Variants in NAV3 observed in about 807,000 individuals in gnomAD.
The protein encoded by NAV3 is pore membrane and/or filament interacting like protein 1.
In NAV3, 87 loss-of-function variants were observed where a neutral mutation model predicts 244.7. The observed-to-expected ratio is 0.36, with a 90% confidence interval of 0.30 to 0.42. The LOEUF (loss-of-function observed/expected upper bound fraction) is 0.42, where lower values mean the gene tolerates loss of function less well. NAV3 is among the 20% of genes least tolerant of loss of function. The pLI, the probability that NAV3 is intolerant of heterozygous loss-of-function variation, is 1.00. For missense variants in NAV3, 2,663 were observed against 2,893.3 expected (o/e 0.92, Z 1.83); for synonymous variants, 1,126 against 1,042.2 (o/e 1.08, Z -1.55).
At chr12:77,891,075 T>C (rs1022509378) in intron 1 of NAV3, among the ~76,000 whole-genome samples, 8 of 152,022 alleles carry the variant, frequency 5.3e-5, no homozygotes, top group Non-Finnish European at 8.8e-5. Flanking sequence ...TTAGCATTCA[T>C]GATGAAATAT....
intron 2 of NAV3, among the ~76,000 whole-genome samples, chr12:77,714,023 T>A (rs1876244272): frequency 6.6e-6 from 1 of 152,094 alleles, no homozygotes; most frequent in Non-Finnish European, 1.5e-5. Context: ...AAAATATACA[T>A]TTTTTTGCAG....
intron 12 of NAV3, among the ~76,000 whole-genome samples, chr12:78,075,603 A>T (rs752352618): frequency 6.6e-6 from 1 of 152,186 alleles, no homozygotes; most frequent in Non-Finnish European, 1.5e-5. Context: ...CAGGAATTCT[A>T]AAGGGTTTTT....
At chr12:77,771,164 T>G (rs1038872227) in intron 2 of NAV3, among the ~76,000 whole-genome samples, 7 of 152,054 alleles carry the variant, frequency 4.6e-5, no homozygotes, top group Non-Finnish European at 8.8e-5. Context: ...CATGAAAAAA[T>G]GCTCATCATC....
intron 2 of NAV3, among the ~76,000 whole-genome samples, chr12:77,626,190 A>T (rs1265240038): frequency 1.3e-5 from 2 of 152,080 alleles, no homozygotes; most frequent in Non-Finnish European, 2.9e-5. Flanking sequence ...GATGAGATTA[A>T]GTAGAAGAGA....
chr12:78,024,905 G>A lies in NAV3; in HGVS notation c.2023+3043G>A, dbSNP rs1011840318. 3.3e-5 allele frequency among the ~76,000 whole-genome samples: 5 copies of A among 151,796 alleles called. No homozygotes were observed. The South Asian group carries it at 6.3e-4, about 19-fold the overall frequency. ...CAGGAGAATGGCATGAACCTGGGAG[G>A]CAGAGCTTGCAGTGAGCCGAGATAG... On this transcript the variant is annotated intron_variant, in intron 9 of 39. Transcript: ENST00000397909.
In NAV3 at chr12:78,188,307, G is replaced by T. The variant is rs1039240925; in HGVS notation, c.5850G>T (p.Trp1950Cys). ...TTGGTGTTAGTGGAAAAACCAAGTG[G>T]GATGTCTTAGATGGTGTAATAAGAC... ...GSIGVSGKTKWDVLDGVIRRL... is the reference protein window; with the variant it reads ...GSIGVSGKTKCDVLDGVIRRL... Residue 1950 changes from tryptophan to cysteine, a missense_variant, in exon 32 of 40, where the codon TGG becomes TGT. Transcript: ENST00000397909. 1 of 1,611,284 alleles carries T rather than the reference G, an allele frequency of 6.2e-7. No homozygotes were observed. The highest frequency in any genetic ancestry group is 8.5e-7 in the Non-Finnish European group (1 of 1,178,242).
At chr12:78,172,404 A>G (rs1958040312) in intron 24 of NAV3, among the ~76,000 whole-genome samples, 1 of 151,682 alleles carries the variant, frequency 6.6e-6, no homozygotes, top group Non-Finnish European at 1.5e-5. Flanking sequence ...GGAATTTATA[A>G]TGGTAAACAA....
chr12:78,192,561 A>C (rs1179839920), intron 34 of NAV3, among the ~76,000 whole-genome samples: 1 of 151,572 alleles, frequency 6.6e-6, no homozygotes, highest in Admixed American at 6.6e-5. Flanking sequence ...GCCCACCACC[A>C]CACCCAGCTA....
At chr12:78,013,896 T>C (rs974738101) in intron 8 of NAV3, among the ~76,000 whole-genome samples, 1 of 152,040 alleles carries the variant, frequency 6.6e-6, no homozygotes, top group African/African-American at 2.4e-5. Flanking sequence ...ACTCCTTTTT[T>C]TATTGTTCCT....
At chr12:77,585,904 T>C (rs1869584888) in intron 2 of NAV3, among the ~76,000 whole-genome samples, 1 of 152,244 alleles carries the variant, frequency 6.6e-6, no homozygotes, top group Non-Finnish European at 1.5e-5. Flanking sequence ...GGCACATGCC[T>C]GTAATCCCAG....
At chr12:77,834,696 T>G (rs934254541) in intron 1 of NAV3, among the ~76,000 whole-genome samples, 2 of 152,204 alleles carry the variant, frequency 1.3e-5, no homozygotes, top group Admixed American at 6.5e-5. Context: ...GCAAACATAT[T>G]AATCAAACAT....
intron 2 of NAV3, among the ~76,000 whole-genome samples, chr12:77,646,458 GTTC>G (rs139645985): frequency 0.014 from 2,146 of 152,198 alleles, 59 homozygotes; most frequent in African/African-American, 0.049. Context: ...TGAAGAAGGC[GTTC>G]TTCTCTCTCT....
Position 77,809,936 on chromosome 12 carries a change from G to A in NAV3, c.73-130383G>A, listed in dbSNP as rs185678590. Among the ~76,000 whole-genome samples, 488 of 152,148 alleles carry A rather than the reference G, an allele frequency of 3.2e-3. 1 individual carries two copies. Among genetic ancestry groups the A allele is most frequent in the Non-Finnish European group, 5.4e-3 (366 of 67,974 alleles). ...TTGGGTTCGTAGTTGTTCCAGTACA[G>A]AAAAAAATTGAATTGTAAAATATTT... On this transcript the variant is annotated intron_variant, in intron 2 of 8. Coordinates refer to the NAV3 transcript ENST00000550042.
At chr12:77,680,531 A>G (rs1347970120) in intron 2 of NAV3, among the ~76,000 whole-genome samples, 10 of 152,296 alleles carry the variant, frequency 6.6e-5, no homozygotes, top group Middle Eastern at 6.8e-3. Context: ...AGACTTATTC[A>G]GCTTTCACAC....
chr12:77,604,293 C>A (rs1346686780), intron 2 of NAV3, among the ~76,000 whole-genome samples: 2 of 151,662 alleles, frequency 1.3e-5, no homozygotes, highest in African/African-American at 4.8e-5. Context: ...GTGAGTGTAG[C>A]AGAAAGACAA....
intron 2 of NAV3, among the ~76,000 whole-genome samples, chr12:77,771,372 T>C (rs1251678907): frequency 1.1e-4 from 16 of 152,336 alleles, no homozygotes; most frequent in Admixed American, 5.9e-4. Context: ...CTCAGGGATC[T>C]AGAACTGGAA....
intron 2 of NAV3, among the ~76,000 whole-genome samples, chr12:77,774,770 C>T (rs975080112): frequency 1.3e-5 from 2 of 151,918 alleles, no homozygotes; most frequent in Non-Finnish European, 2.9e-5. Context: ...CATGGGCTGG[C>T]GAAAGACTAT....
In NAV3 at chr12:77,869,313, G is replaced by C. The variant is rs528815183; in HGVS notation, c.243+37609G>C. The stretch of plus-strand genomic sequence containing the variant: ...TAAGTAAATATTCTATTGGGGGCAA[G>C]GTTTTTGAGTCATTAATAAATATTA... On this transcript the variant is annotated intron_variant, in intron 1 of 39. Coordinates refer to ENST00000397909, the MANE Select transcript of NAV3 (RefSeq NM_001024383.2). 3.6e-3 allele frequency among the ~76,000 whole-genome samples: 551 copies of C among 152,122 alleles called. 3 individuals carry two copies. The highest frequency in any genetic ancestry group is 0.013 in the African/African-American group (534 of 41,498).
chr12:77,721,984 C>T (rs778779471), intron 2 of NAV3, among the ~76,000 whole-genome samples: 5 of 152,042 alleles, frequency 3.3e-5, no homozygotes, highest in Non-Finnish European at 7.4e-5. Context: ...AATAGCACAC[C>T]TAGAAGAATT....
Sources: allele counts gnomAD v4.1 joint callset (sites outside exome capture counted in the v4.1 genomes callset), GRCh38; gene constraint gnomAD v4.1.1; transcripts MANE v1.5; gene names NCBI Gene and HGNC (gene_info 2026-07-23, HGNC 2026-07-21).